The following TTLL5 variants were observed in gnomAD, a reference collection of about 807,000 sequenced individuals.
The protein encoded by TTLL5 is tubulin polyglutamylase TTLL5.
A neutral mutation model predicts 168.4 loss-of-function variants in TTLL5; 132 were observed. The observed-to-expected ratio is 0.78, with a 90% CI of 0.68 to 0.91. The LOEUF is 0.91. Among genes scored for constraint, TTLL5 ranks in the 40% least tolerant of loss-of-function variants. The pLI is 0.00. For missense variants in TTLL5, 1,545 were observed against 1,581.5 expected, an observed-to-expected ratio of 0.98 and a Z score of 0.39; for synonymous variants, 546 against 558.6, an observed-to-expected ratio of 0.98 and a Z score of 0.32.
chr14:75,889,674 C>T (rs954554823), intron 30 of TTLL5, among the ~76,000 whole-genome samples: 4 of 151,830 alleles, frequency 2.6e-5, no homozygotes, highest in Non-Finnish European at 5.9e-5. Context: ...CCAAAATATA[C>T]AAAAATTAGC....
intron 31 of TTLL5, among the ~76,000 whole-genome samples, chr14:75,914,052 A>ATATATATATT (rs1304496430): frequency 2.5e-5 from 3 of 122,376 alleles, no homozygotes; most frequent in South Asian, 2.7e-4. Context: ...ATATATATAT[A>ATATATATATT]TATTTTATCC....
chr14:75,701,896 T>C (rs1447159742), intron 7 of TTLL5, among the ~76,000 whole-genome samples: 2 of 152,222 alleles, frequency 1.3e-5, no homozygotes, highest in African/African-American at 4.8e-5. Flanking sequence ...TTCATTCTTT[T>C]GAAAATATTC....
chr14:75,719,943 C>A, intron 11 of TTLL5, 117 bp downstream of exon 11: 1 of 1,098,530 alleles, frequency 9.1e-7, no homozygotes, highest in Non-Finnish European at 1.4e-6. Flanking sequence ...GGATGATTGT[C>A]CTTGGTGTTA....
intron 17 of TTLL5, among the ~76,000 whole-genome samples, chr14:75,752,284 T>G (rs1375636747): frequency 6.6e-6 from 1 of 152,206 alleles, no homozygotes; most frequent in African/African-American, 2.4e-5. Flanking sequence ...TTGCTCTGGT[T>G]CAAATGCCTC....
chr14:75,904,216 AG>A, intron 31 of TTLL5: 3 of 1,186,138 alleles, frequency 2.5e-6, no homozygotes, highest in Non-Finnish European at 2.1e-6. Context: ...AAAAAAAAAA[AG>A]GAAAGAAAAA....
chr14:75,934,666 TA>T (rs1479210866), intron 31 of TTLL5, among the ~76,000 whole-genome samples: 2 of 152,012 alleles, frequency 1.3e-5, no homozygotes, highest in African/African-American at 4.8e-5. Flanking sequence ...TTATCATTAG[TA>T]AAAAAGCACA....
intron 31 of TTLL5, among the ~76,000 whole-genome samples, chr14:75,921,563 C>T (rs778263759): frequency 2.6e-5 from 4 of 152,032 alleles, no homozygotes; most frequent in African/African-American, 4.8e-5. Flanking sequence ...CTGAGGCCTC[C>T]GTTCTGTTCC....
intron 21 of TTLL5, among the ~76,000 whole-genome samples, chr14:75,773,251 G>A (rs1026305139): frequency 1.3e-5 from 2 of 152,182 alleles, no homozygotes; most frequent in African/African-American, 4.8e-5. Flanking sequence ...CTCTTTCCAA[G>A]TGGAAAATTG....
intron 18 of TTLL5, among the ~76,000 whole-genome samples, chr14:75,760,600 A>C (rs897318252): frequency 3.9e-5 from 6 of 152,084 alleles, no homozygotes; most frequent in African/African-American, 2.4e-5. Context: ...AGATATTGGC[A>C]AACTGATCAC....
At chr14:75,857,693 C>T (rs1897203633) in intron 28 of TTLL5, among the ~76,000 whole-genome samples, 1 of 150,918 alleles carries the variant, frequency 6.6e-6, no homozygotes, top group African/African-American at 2.4e-5. Flanking sequence ...ACTCTGTCGC[C>T]CAGGCTGGAG....
At chr14:75,745,954 T>G (rs1166481497) in intron 17 of TTLL5, among the ~76,000 whole-genome samples, 1 of 152,198 alleles carries the variant, frequency 6.6e-6, no homozygotes, top group Non-Finnish European at 1.5e-5. Context: ...CTATTTTAAA[T>G]GTACAGTTTG....
intron 29 of TTLL5, among the ~76,000 whole-genome samples, chr14:75,873,336 A>G (rs1481997645): frequency 6.6e-6 from 1 of 152,128 alleles, no homozygotes; most frequent in Non-Finnish European, 1.5e-5. Flanking sequence ...GGCCTCCCAA[A>G]GTGCTGGGAT....
chr14:75,930,828 A>G (rs928542598), intron 31 of TTLL5, among the ~76,000 whole-genome samples: 8 of 152,176 alleles, frequency 5.3e-5, no homozygotes, highest in Non-Finnish European at 1.2e-4. Context: ...CTTTTGAGAA[A>G]TCAGTAAGGG....
At chr14:75,885,404 A>G (rs1247089821) in intron 30 of TTLL5, among the ~76,000 whole-genome samples, 1 of 151,728 alleles carries the variant, frequency 6.6e-6, no homozygotes, top group African/African-American at 2.4e-5. Context: ...AGGCAGGAGA[A>G]TAGTGTGAAC....
rs982921002 is a variant in TTLL5 at position 75,686,619 on chromosome 14, C to A, written c.371+2963C>A. Among the ~76,000 whole-genome samples the A allele has an allele frequency of 8.5e-5, 13 of 152,162 alleles. 1 individual carries two copies. The South Asian group carries it at 2.5e-3, about 29-fold the overall frequency. On this transcript the variant is annotated intron_variant, in intron 5 of 31. Coordinates refer to ENST00000298832, the MANE Select transcript of TTLL5 (RefSeq NM_015072.5). ...TTAAAAATATGCTAAATGCTTTTCC[C>A]CCTAAAACCAAATTAAGATAACATC...
rs748900361 is a variant in TTLL5, at chr14:75,724,452, G to A, written c.1042+3749G>A. Among the ~76,000 whole-genome samples, 4 of 152,260 alleles carry A rather than the reference G, an allele frequency of 2.6e-5. No individual in the cohort carries two copies. In the East Asian group the frequency reaches 7.7e-4, roughly 29 times the overall value. On this transcript the variant is annotated intron_variant, in intron 12 of 31. Transcript: ENST00000298832. The stretch of plus-strand genomic sequence containing the variant: ...TATATATACCTCCATTGCACTATTA[G>A]TGTTTAAATGTAGACTTGAGAACCT...
At chr14:75,806,054 A>C (rs1211508423) in intron 27 of TTLL5, among the ~76,000 whole-genome samples, 2 of 145,112 alleles carry the variant, frequency 1.4e-5, no homozygotes, top group Non-Finnish European at 3.0e-5. Context: ...TTTGAGATGC[A>C]GTCTCACTCT....
At chr14:75,893,624 C>T (rs2032508896) in intron 30 of TTLL5, among the ~76,000 whole-genome samples, 1 of 152,018 alleles carries the variant, frequency 6.6e-6, no homozygotes, top group African/African-American at 2.4e-5. Context: ...CGAGACCATC[C>T]TGGCTAACAC....
At chr14:75,759,936 T>C (rs1170404949) in intron 18 of TTLL5, among the ~76,000 whole-genome samples, 1 of 152,096 alleles carries the variant, frequency 6.6e-6, no homozygotes, top group Non-Finnish European at 1.5e-5. Flanking sequence ...GAAGGCTTTT[T>C]CCATATGATT....
Sources: allele counts gnomAD v4.1 joint callset (sites outside exome capture counted in the v4.1 genomes callset), GRCh38; gene constraint gnomAD v4.1.1; transcripts MANE v1.5; gene names NCBI Gene and HGNC (gene_info 2026-07-23, HGNC 2026-07-21).